Variants in BPNT2 observed in about 807,000 individuals in gnomAD.
The protein encoded by BPNT2 is 3'(2'), 5'-bisphosphate nucleotidase 2.
Under a neutral mutation model 29.3 loss-of-function variants are expected in BPNT2, and 11 were observed. The ratio of observed to expected loss-of-function variants is 0.38; its 90% CI spans 0.24 to 0.62. The LOEUF (loss-of-function observed/expected upper bound fraction) is 0.62. Among genes scored for constraint, BPNT2 ranks in the 20% least tolerant of loss-of-function variants. The pLI, the probability that BPNT2 is intolerant of heterozygous loss-of-function variation, is 0.62. For synonymous variants in BPNT2, 195 were observed against 187.7 expected, an observed-to-expected ratio of 1.04 and a Z score of -0.32; for missense variants, 459 against 473.4, an observed-to-expected ratio of 0.97 and a Z score of 0.28.
intron 1 of BPNT2, among the ~76,000 whole-genome samples, chr8:56,984,988 AG>A (rs1806306760): frequency 6.6e-6 from 1 of 151,696 alleles, no homozygotes; most frequent in African/African-American, 2.4e-5. Flanking sequence ...ACGCTTTCCC[AG>A]ATCTCTGCAT....
At chr8:56,979,836 C>G (rs1324728594) in intron 2 of BPNT2, among the ~76,000 whole-genome samples, 199 bp downstream of exon 2, 1 of 152,148 alleles carries the variant, frequency 6.6e-6, no homozygotes, top group Non-Finnish European at 1.5e-5. Context: ...TTCCTAACAT[C>G]CCGAGTAAAC....
intron 1 of BPNT2, among the ~76,000 whole-genome samples, chr8:56,984,278 A>G (rs1806293117): frequency 6.6e-6 from 1 of 152,228 alleles, no homozygotes; most frequent in Non-Finnish European, 1.5e-5. Flanking sequence ...CAAGAACATT[A>G]GCACAAATAC....
chr8:56,979,974 T>G lies in BPNT2; in HGVS notation c.550+61A>C, dbSNP rs538074916. The G allele has an allele frequency of 4.6e-6, 7 of 1,505,686 alleles. No homozygotes were observed. In the African/African-American group the frequency reaches 5.5e-5, roughly 12 times the overall value. 93.3% of individuals were successfully genotyped at this position (1,505,686 alleles called of 1,614,324 possible). On this transcript the variant is annotated intron_variant, in intron 2 of 4. Transcript: ENST00000262644. ...ACTATCACCTATAGGAAGTATGCCT[T>G]GGTTCTGGTTCTCTACTACTAAACG...
rs1805878374 is a variant in BPNT2, at chr8:56,963,497, T to C, written c.*296A>G. The C allele has an allele frequency of 5.9e-6, 2 of 340,596 alleles. No homozygotes were observed. Among genetic ancestry groups the C allele is most frequent in the African/African-American group, 4.2e-5 (2 of 48,002 alleles). The allele number at this position is 340,596 out of a possible 1,614,324, so 21.1% of individuals were successfully genotyped here. A position where few individuals can be genotyped will look rare whatever the true frequency, so the allele number is the denominator to read the frequency against. On this transcript the variant is annotated 3_prime_UTR_variant, in exon 5 of 5. Coordinates refer to ENST00000262644, the MANE Select transcript of BPNT2 (RefSeq NM_017813.5). ...GATGTTGTGTGAAAATGGTGACTCA[T>C]AACAATGTAGACTCAGCTACAGATT... is the stretch of plus-strand genomic sequence containing the variant.
rs190227228 is a variant in BPNT2 at position 56,969,674 on chromosome 8, A to G, written c.647-3322T>C. On this transcript the variant is annotated intron_variant, in intron 3 of 4. Coordinates refer to ENST00000262644, the MANE Select transcript of BPNT2 (RefSeq NM_017813.5). ...GCTTATAGTAGTGAACCAAGAGACA[A>G]TGAGACAATGTCTAAAGAAAAGGAC... Among the ~76,000 whole-genome samples the G allele has an allele frequency of 2.2e-4, 34 of 152,374 alleles. No individual in the cohort carries two copies. The East Asian group carries it at 5.0e-3, about 22-fold the overall frequency.
chr8:56,990,874 G>A (rs1377776932), intron 1 of BPNT2, among the ~76,000 whole-genome samples: 1 of 152,200 alleles, frequency 6.6e-6, no homozygotes, highest in Admixed American at 6.5e-5. Context: ...TAGGAAAGTA[G>A]TGGGAGAAAA....
At position 56,984,917 on chromosome 8, in the gene BPNT2, A is replaced by G. The variant is rs536596103; in HGVS notation, c.388-4720T>C. 2.0e-5 allele frequency among the ~76,000 whole-genome samples: 3 copies of G among 151,936 alleles called. No homozygotes were observed. The South Asian group carries it at 6.3e-4, about 32-fold the overall frequency. On this transcript the variant is annotated intron_variant, in intron 1 of 4. Transcript: ENST00000262644. ...TTATTTACTGTACCCCAGACTTACTAGTCTTCTCATGGTCACTCAGCCTCA... is the reference window on the plus strand; with the variant it reads ...TTATTTACTGTACCCCAGACTTACTGGTCTTCTCATGGTCACTCAGCCTCA...
chr8:56,982,872 T>C lies in BPNT2; in HGVS notation c.388-2675A>G, dbSNP rs186800145. 1.8e-3 allele frequency among the ~76,000 whole-genome samples: 281 copies of C among 152,316 alleles called. 2 individuals carry two copies. The highest frequency in any genetic ancestry group is 6.5e-3 in the African/African-American group (269 of 41,564). The stretch of plus-strand genomic sequence containing the variant: ...CATTACCCTGATGAATGGATAAATA[T>C]ATTTGGTATATCCATACAATGGAAA... On this transcript the variant is annotated intron_variant, in intron 1 of 4. Coordinates refer to ENST00000262644, the MANE Select transcript of BPNT2 (RefSeq NM_017813.5).
At chr8:56,981,879 T>G (rs187000330) in intron 1 of BPNT2, among the ~76,000 whole-genome samples, 419 of 152,250 alleles carry the variant, frequency 2.8e-3, no homozygotes, top group Non-Finnish European at 5.3e-3. Flanking sequence ...ATGCTACATG[T>G]GATGCCATGC....
chr8:56,973,318 T>C (rs1187962198), intron 3 of BPNT2, among the ~76,000 whole-genome samples: 1 of 152,054 alleles, frequency 6.6e-6, no homozygotes, highest in Non-Finnish European at 1.5e-5. Flanking sequence ...CCTTTAAGGC[T>C]CATTATACAA....
chr8:56,976,276 G>C (rs978009779), intron 3 of BPNT2, among the ~76,000 whole-genome samples: 3 of 152,112 alleles, frequency 2.0e-5, no homozygotes, highest in Non-Finnish European at 1.5e-5. Context: ...TGGCACCAGG[G>C]AACTACCTTG....
At chr8:56,979,918 A>C (rs1044097743) in intron 2 of BPNT2, 117 bp downstream of exon 2, 1 of 944,222 alleles carries the variant, frequency 1.1e-6, no homozygotes, top group South Asian at 1.4e-5. Flanking sequence ...CTACTGTTAA[A>C]AATGCTTCTT....
intron 1 of BPNT2, among the ~76,000 whole-genome samples, chr8:56,988,332 T>C (rs1367613489): frequency 6.6e-6 from 1 of 152,154 alleles, no homozygotes; most frequent in Non-Finnish European, 1.5e-5. Context: ...GTTGCCTGAG[T>C]TCAAATGCCA....
rs1585551064 is a variant in BPNT2 at position 56,959,275 on chromosome 8, T to C, written c.*4518A>G. ...ATTTTCCCACAAAATTAATTCAACA[T>C]CCAACCTTAAAAATAAATAAAGCTT... On this transcript the variant is annotated 3_prime_UTR_variant, in exon 5 of 5. Coordinates refer to ENST00000262644, the MANE Select transcript of BPNT2 (RefSeq NM_017813.5). 6.6e-6 allele frequency: 1 copy of C among 152,172 alleles called. No homozygotes were observed. The allele number at this position is 152,172 out of a possible 1,614,324, so 9.4% of individuals were successfully genotyped here. A position where few individuals can be genotyped will look rare whatever the true frequency, so the allele number is the denominator to read the frequency against.
At chr8:56,987,844 T>C (rs1314720941) in intron 1 of BPNT2, among the ~76,000 whole-genome samples, 1 of 151,546 alleles carries the variant, frequency 6.6e-6, no homozygotes, top group Non-Finnish European at 1.5e-5. Flanking sequence ...TTCTCCTGCC[T>C]CAACCTCCCG....
rs769502331 is a variant in BPNT2 at position 56,966,348 on chromosome 8, C to A, written c.651G>T (p.Trp217Cys). The A allele has an allele frequency of 1.2e-6, 2 of 1,613,474 alleles. No homozygotes were observed. Among genetic ancestry groups the A allele is most frequent in the South Asian group, 2.2e-5 (2 of 91,054 alleles). Reference sequence around the variant, plus strand: ...CATTTGAACCACCATCTACCATTGCCCAAGCTGAAAAGCAAATATAATATC... The same window carrying A: ...CATTTGAACCACCATCTACCATTGCACAAGCTGAAAAGCAAATATAATATC... ...IHKPFSEYTA[W>C]AMVDGGSNVK... The change falls in exon 4 of 5, where the codon TGG becomes TGT. Residue 217 changes from tryptophan (W) to cysteine (C), a missense_variant. Trp to Cys is a radical substitution (Grantham distance 215). Coordinates refer to ENST00000262644, the MANE Select transcript of BPNT2 (RefSeq NM_017813.5).
chr8:56,971,192 G>C (rs1806024588), intron 3 of BPNT2, among the ~76,000 whole-genome samples: 1 of 149,782 alleles, frequency 6.7e-6, no homozygotes. Flanking sequence ...AAATGTAAAT[G>C]ATGGATGATA....
At chr8:56,987,875 C>A (rs1481134476) in intron 1 of BPNT2, among the ~76,000 whole-genome samples, 9 of 151,788 alleles carry the variant, frequency 5.9e-5, no homozygotes. Flanking sequence ...ACTACAGACA[C>A]CCGCCACCAC....
chr8:56,979,908 C>T (rs1457750670), intron 2 of BPNT2, 127 bp downstream of exon 2: 1 of 826,468 alleles, frequency 1.2e-6, no homozygotes, highest in African/African-American at 1.7e-5. Context: ...CATTTTGCTA[C>T]TACTGTTAAA....
Sources: gnomAD v4.1 joint callset for allele counts (sites outside exome capture counted in the v4.1 genomes callset) on GRCh38, gnomAD v4.1.1 for gene constraint, MANE v1.5 for transcripts, NCBI Gene and HGNC (gene_info 2026-07-23, HGNC 2026-07-21) for gene names.